Variants in ADAMTS12 observed in about 807,000 individuals in gnomAD.
ADAMTS12 encodes ADAM metallopeptidase with thrombospondin type 1 motif 12.
A neutral mutation model predicts 167.8 loss-of-function variants in ADAMTS12; 118 were observed. The observed-to-expected ratio is 0.70, with a 90% confidence interval of 0.61 to 0.82. The LOEUF is 0.82. ADAMTS12 is among the 40% of genes least tolerant of loss of function. The probability of loss-of-function intolerance (pLI) is 0.00; values close to 1 mark genes in which losing one functional copy is unlikely to be tolerated. For synonymous variants in ADAMTS12, 704 were observed against 716.9 expected, an observed-to-expected ratio of 0.98 and a Z score of 0.29; for missense variants, 1,916 against 1,998.8, an observed-to-expected ratio of 0.96 and a Z score of 0.79.
intron 3 of ADAMTS12, among the ~76,000 whole-genome samples, chr5:33,745,009 T>A (rs1003128370): frequency 6.6e-6 from 1 of 152,162 alleles, no homozygotes; most frequent in East Asian, 1.9e-4. Context: ...GTAAAGATGA[T>A]GTCTTGCTAT....
chr5:33,635,688 G>C (rs185844566), intron 12 of ADAMTS12, among the ~76,000 whole-genome samples: 93 of 152,244 alleles, frequency 6.1e-4, no homozygotes, highest in African/African-American at 2.2e-3. Flanking sequence ...TAAGGCCCTC[G>C]ATATCTGGCA....
At position 33,860,276 on chromosome 5, in the gene ADAMTS12, G is replaced by A. The variant is rs138176965; in HGVS notation, c.489+20843C>T. ...AGCTAAGAACCTTAAAAAAAGGTTA[G>A]AGGAATTGCTAACTAGAATAACCAG... On this transcript the variant is annotated intron_variant, in intron 2 of 23. Coordinates refer to ENST00000504830, the MANE Select transcript of ADAMTS12 (RefSeq NM_030955.4). Among the ~76,000 whole-genome samples, 1,099 of 152,260 alleles carry A rather than the reference G, an allele frequency of 7.2e-3. 14 individuals carry two copies. Among genetic ancestry groups the A allele is most frequent in the African/African-American group, 0.025 (1,050 of 41,536 alleles).
chr5:33,653,574 T>G (rs773761378), intron 7 of ADAMTS12, among the ~76,000 whole-genome samples: 36 of 152,166 alleles, frequency 2.4e-4, no homozygotes, highest in Admixed American at 2.0e-4. Flanking sequence ...TTATTTGGTT[T>G]ATGATTCTTG....
chr5:33,829,032 A>G (rs1375603829), intron 2 of ADAMTS12, among the ~76,000 whole-genome samples: 1 of 152,160 alleles, frequency 6.6e-6, no homozygotes, highest in African/African-American at 2.4e-5. Context: ...AGCAACGGGC[A>G]TACACACCAT....
At chr5:33,745,447 T>A (rs1401377556) in intron 3 of ADAMTS12, among the ~76,000 whole-genome samples, 2 of 152,186 alleles carry the variant, frequency 1.3e-5, no homozygotes, top group Non-Finnish European at 2.9e-5. Flanking sequence ...GTGAAACTGA[T>A]CCTTTGCTCA....
At chr5:33,669,640 C>A (rs1741598509) in intron 5 of ADAMTS12, among the ~76,000 whole-genome samples, 1 of 150,584 alleles carries the variant, frequency 6.6e-6, no homozygotes, top group African/African-American at 2.5e-5. Context: ...AGTTGAAGGC[C>A]AGAAGGTGTA....
intron 2 of ADAMTS12, among the ~76,000 whole-genome samples, chr5:33,853,558 C>G (rs1423874590): frequency 6.6e-6 from 1 of 152,112 alleles, no homozygotes; most frequent in Non-Finnish European, 1.5e-5. Flanking sequence ...TTTTTGGCTT[C>G]CAAGTTCCCA....
intron 3 of ADAMTS12, among the ~76,000 whole-genome samples, chr5:33,703,708 G>A (rs1743085669): frequency 6.6e-6 from 1 of 152,078 alleles, no homozygotes; most frequent in Non-Finnish European, 1.5e-5. Flanking sequence ...CCAACCATAT[G>A]GTCACAAATG....
At chr5:33,762,931 G>T (rs1745407536) in intron 2 of ADAMTS12, among the ~76,000 whole-genome samples, 1 of 152,090 alleles carries the variant, frequency 6.6e-6, no homozygotes. Context: ...CAAGTAGATG[G>T]GCATTTGGGA....
chr5:33,798,585 C>T (rs1746871632), intron 2 of ADAMTS12, among the ~76,000 whole-genome samples: 2 of 151,932 alleles, frequency 1.3e-5, no homozygotes, highest in South Asian at 4.2e-4. Flanking sequence ...GGACTACAGG[C>T]ACCCACCATT....
At chr5:33,627,748 A>G (rs1300374537) in intron 13 of ADAMTS12, among the ~76,000 whole-genome samples, 1 of 152,146 alleles carries the variant, frequency 6.6e-6, no homozygotes, top group South Asian at 2.1e-4. Context: ...AGGACCTGGT[A>G]TTCTGAACGT....
At chr5:33,805,712 G>GT (rs1747198877) in intron 2 of ADAMTS12, among the ~76,000 whole-genome samples, 1 of 152,150 alleles carries the variant, frequency 6.6e-6, no homozygotes, top group African/African-American at 2.4e-5. Flanking sequence ...GAGAAAAGAG[G>GT]TTATGATATG....
At chr5:33,715,028 C>T (rs1336153140) in intron 3 of ADAMTS12, among the ~76,000 whole-genome samples, 1 of 151,990 alleles carries the variant, frequency 6.6e-6, no homozygotes, top group Non-Finnish European at 1.5e-5. Flanking sequence ...GATCATTGTA[C>T]ATTGTATGCA....
intron 11 of ADAMTS12, among the ~76,000 whole-genome samples, chr5:33,639,399 T>C (rs775137282): frequency 3.3e-5 from 5 of 152,168 alleles, no homozygotes; most frequent in Non-Finnish European, 5.9e-5. Context: ...ACAGCAATTA[T>C]GTATCCCAGA....
At chr5:33,546,273 C>A in intron 21 of ADAMTS12, 71 bp from the exon 22 acceptor site, 5 of 1,429,534 alleles carry the variant, frequency 3.5e-6, no homozygotes, top group Middle Eastern at 1.9e-4. Flanking sequence ...TGAAGAACTT[C>A]GTACTGTCAT....
chr5:33,651,535 T>C (rs2112196868), intron 7 of ADAMTS12, among the ~76,000 whole-genome samples: 1 of 152,342 alleles, frequency 6.6e-6, no homozygotes, highest in African/African-American at 2.4e-5. Context: ...TTATGGTCTG[T>C]CCCAGGCCAT....
At chr5:33,686,916 G>T (rs1742350036) in intron 3 of ADAMTS12, among the ~76,000 whole-genome samples, 1 of 109,932 alleles carries the variant, frequency 9.1e-6, no homozygotes. Flanking sequence ...CTATATATAG[G>T]CACTGAATAT....
At chr5:33,556,674 G>A (rs896912611) in intron 20 of ADAMTS12, among the ~76,000 whole-genome samples, 11 of 152,194 alleles carry the variant, frequency 7.2e-5, no homozygotes, top group Admixed American at 2.6e-4. Context: ...ACACAGTGTG[G>A]TCACACTGCA....
At chr5:33,743,871 G>A in intron 3 of ADAMTS12, among the ~76,000 whole-genome samples, 1 of 152,028 alleles carries the variant, frequency 6.6e-6, no homozygotes. Context: ...CCACATCTTT[G>A]TCTCTGGTGC....
Sources: allele counts gnomAD v4.1 joint callset (sites outside exome capture counted in the v4.1 genomes callset), GRCh38; gene constraint gnomAD v4.1.1; transcripts MANE v1.5; gene names NCBI Gene and HGNC (gene_info 2026-07-23, HGNC 2026-07-21).